The following ROBO2 variants were observed in gnomAD, a reference collection of about 807,000 sequenced individuals.
The protein encoded by ROBO2 is roundabout guidance receptor 2, also known as roundabout homolog 2.
Under a neutral mutation model 160.8 loss-of-function variants are expected in ROBO2, and 53 were observed. The ratio of observed to expected loss-of-function variants is 0.33; its 90% confidence interval spans 0.26 to 0.41. The LOEUF (loss-of-function observed/expected upper bound fraction) is 0.41. Ranked by LOEUF, ROBO2 falls within the 10% of genes least tolerant of loss-of-function variation. The pLI, the probability that ROBO2 is intolerant of heterozygous loss-of-function variation, is 1.00. For missense variants in ROBO2, 1,577 were observed against 1,722.4 expected, an observed-to-expected ratio of 0.92 and a Z score of 1.49; for synonymous variants, 664 against 611.7, an observed-to-expected ratio of 1.09 and a Z score of -1.26.
At chr3:76,080,630 G>T (rs910681391) in intron 2 of ROBO2, among the ~76,000 whole-genome samples, 1 of 152,260 alleles carries the variant, frequency 6.6e-6, no homozygotes, top group Middle Eastern at 3.4e-3. Context: ...TGTCTACTCA[G>T]TTGTCACATT....
At chr3:77,164,452 C>T (rs1300641954) in intron 2 of ROBO2, among the ~76,000 whole-genome samples, 1 of 133,406 alleles carries the variant, frequency 7.5e-6, no homozygotes, top group African/African-American at 2.7e-5. Context: ...GGTCAGCCCC[C>T]CGCCTGGCCA....
Position 77,349,963 on chromosome 3 carries a change from A to C in ROBO2, c.389-127451A>C, listed in dbSNP as rs146431535. Among the ~76,000 whole-genome samples the C allele has an allele frequency of 3.5e-3, 526 of 152,190 alleles. 4 individuals are homozygous for C. Among genetic ancestry groups the C allele is most frequent in the African/African-American group, 0.012 (510 of 41,522 alleles). On this transcript the variant is annotated intron_variant, in intron 2 of 25. Coordinates refer to ENST00000461745, the Ensembl canonical transcript of ROBO2. Reference sequence around the variant, plus strand: ...TGTTAGTTATTTCTTATTGAAAGTTAGTTGACCTTCTGATTGCAGTATGGC... The same window carrying C: ...TGTTAGTTATTTCTTATTGAAAGTTCGTTGACCTTCTGATTGCAGTATGGC...
At chr3:76,640,580 T>C (rs2090612946) in intron 2 of ROBO2, among the ~76,000 whole-genome samples, 2 of 42,720 alleles carry the variant, frequency 4.7e-5, no homozygotes, top group Non-Finnish European at 1.0e-4. Context: ...TAAATATCAA[T>C]GCGTGTTTGC....
intron 2 of ROBO2, among the ~76,000 whole-genome samples, chr3:77,242,760 T>A (rs1392082757): frequency 6.6e-6 from 1 of 151,710 alleles, no homozygotes; most frequent in Non-Finnish European, 1.5e-5. Context: ...AATGTTTTTA[T>A]GTGTTTGCTA....
intron 2 of ROBO2, among the ~76,000 whole-genome samples, chr3:77,339,678 C>T (rs2066858048): frequency 6.6e-6 from 1 of 151,964 alleles, no homozygotes; most frequent in Non-Finnish European, 1.5e-5. Flanking sequence ...ATTATCATGT[C>T]CCTTTCATAG....
At chr3:77,621,660 C>T (rs1002303450) in intron 22 of ROBO2, among the ~76,000 whole-genome samples, 3 of 152,126 alleles carry the variant, frequency 2.0e-5, no homozygotes, top group African/African-American at 4.8e-5. Context: ...TTAGTTGTGC[C>T]TACCCTAAAC....
Position 76,420,726 on chromosome 3 carries a change from T to G in ROBO2, c.109+483124T>G, listed in dbSNP as rs149167185. On this transcript the variant is annotated intron_variant, in intron 2 of 26. Coordinates refer to the ROBO2 transcript ENST00000487694. The stretch of plus-strand genomic sequence containing the variant: ...AGCAATTGTATTTTTCCCTAAGAGA[T>G]TCCAACTATTTTTAAATTAAACATT... Among the ~76,000 whole-genome samples the G allele has an allele frequency of 6.0e-3, 910 of 152,324 alleles. 26 individuals are homozygous for G. The highest frequency in any genetic ancestry group is 0.044 in the Admixed American group (680 of 15,290).
intron 2 of ROBO2, among the ~76,000 whole-genome samples, chr3:76,787,030 G>A (rs1292578411): frequency 6.6e-6 from 1 of 151,150 alleles, no homozygotes; most frequent in African/African-American, 2.4e-5. Context: ...GAGAAAGATA[G>A]CTAAGAGGGA....
intron 2 of ROBO2, among the ~76,000 whole-genome samples, chr3:76,446,512 A>T (rs1012508887): frequency 5.3e-5 from 8 of 152,142 alleles, no homozygotes; most frequent in African/African-American, 1.9e-4. Context: ...GCTACCAATG[A>T]CTTTCTTCAC....
chr3:77,231,743 G>A (rs2087247717), intron 2 of ROBO2, among the ~76,000 whole-genome samples: 1 of 151,936 alleles, frequency 6.6e-6, no homozygotes, highest in African/African-American at 2.4e-5. Context: ...TTATTTTGTC[G>A]TTTTTGACTT....
chr3:77,615,742 A>G (rs1205623487), intron 21 of ROBO2, among the ~76,000 whole-genome samples: 1 of 152,166 alleles, frequency 6.6e-6, no homozygotes, highest in African/African-American at 2.4e-5. Flanking sequence ...ACCTACTGGG[A>G]GACATGTTGG....
rs555621581 is a variant in ROBO2, at chr3:76,037,779, G to A, written c.109+100177G>A. On this transcript the variant is annotated intron_variant, in intron 2 of 26. Transcript: ENST00000487694. ...TGTCATTTGAATAAACACAAAGATA[G>A]AGTGATATTATAGAACAAAATCCTT... Among the ~76,000 whole-genome samples the A allele has an allele frequency of 5.4e-4, 82 of 152,140 alleles. 3 individuals carry two copies. The highest frequency in any genetic ancestry group is 1.9e-3 in the African/African-American group (79 of 41,430).
intron 2 of ROBO2, among the ~76,000 whole-genome samples, chr3:76,259,130 C>T (rs1167594481): frequency 6.6e-6 from 1 of 151,902 alleles, no homozygotes; most frequent in African/African-American, 2.4e-5. Flanking sequence ...TTTTAGGCTG[C>T]TGGTGTTTTT....
intron 2 of ROBO2, among the ~76,000 whole-genome samples, chr3:77,104,626 G>T (rs2072533084): frequency 6.6e-6 from 1 of 152,070 alleles, no homozygotes; most frequent in Admixed American, 6.6e-5. Flanking sequence ...TATGGTAACT[G>T]TTTAACTTTT....
At chr3:77,255,326 G>T (rs916023290) in intron 2 of ROBO2, among the ~76,000 whole-genome samples, 1 of 152,222 alleles carries the variant, frequency 6.6e-6, no homozygotes, top group African/African-American at 2.4e-5. Flanking sequence ...TAAAGTGCGT[G>T]AAGTTTTAAA....
intron 2 of ROBO2, among the ~76,000 whole-genome samples, chr3:77,284,600 A>G (rs1365348270): frequency 6.6e-6 from 1 of 152,146 alleles, no homozygotes; most frequent in Non-Finnish European, 1.5e-5. Flanking sequence ...TAGTCAAACA[A>G]TAAAGTGGGT....
chr3:77,302,023 C>T (rs1000477918), intron 2 of ROBO2, among the ~76,000 whole-genome samples: 1 of 152,104 alleles, frequency 6.6e-6, no homozygotes, highest in East Asian at 1.9e-4. Context: ...CTGCCTCAGC[C>T]TCCCAAGTAG....
intron 2 of ROBO2, among the ~76,000 whole-genome samples, chr3:76,234,569 A>C (rs1221515537): frequency 2.0e-5 from 3 of 152,156 alleles, no homozygotes; most frequent in African/African-American, 7.2e-5. Context: ...TTTTAGTAAT[A>C]GCCATTCTGA....
At chr3:76,753,072 G>A (rs1455827282) in intron 2 of ROBO2, among the ~76,000 whole-genome samples, 2 of 151,832 alleles carry the variant, frequency 1.3e-5, no homozygotes, top group African/African-American at 2.4e-5. Flanking sequence ...CAAAACATAC[G>A]TACACACAAA....
Sources: allele counts gnomAD v4.1 joint callset (sites outside exome capture counted in the v4.1 genomes callset), GRCh38; gene constraint gnomAD v4.1.1; transcripts MANE v1.5; gene names NCBI Gene and HGNC (gene_info 2026-07-23, HGNC 2026-07-21).